Variants in PXDNL observed in about 807,000 individuals in gnomAD.
PXDNL encodes the protein peroxidasin like.
In PXDNL, 145 loss-of-function variants were observed where a neutral mutation model predicts 150.8. The observed-to-expected ratio is 0.96, with a 90% CI of 0.84 to 1.10. PXDNL has a LOEUF of 1.10. PXDNL is among the 50% of genes least tolerant of loss of function. The pLI is 0.00. For missense variants in PXDNL, 2,087 were observed against 1,873.9 expected (o/e 1.11, Z -2.10); for synonymous variants, 757 against 725.7 (o/e 1.04, Z -0.69).
intron 4 of PXDNL, among the ~76,000 whole-genome samples, chr8:51,547,334 G>A (rs1285827743): frequency 6.6e-6 from 1 of 152,128 alleles, no homozygotes; most frequent in Non-Finnish European, 1.5e-5. Flanking sequence ...GCTAACCACA[G>A]ATCCTGACTC....
At chr8:51,781,208 GC>G (rs998618965) in intron 1 of PXDNL, among the ~76,000 whole-genome samples, 3 of 152,094 alleles carry the variant, frequency 2.0e-5, no homozygotes, top group Admixed American at 2.0e-4. Context: ...AAATCAGAAG[GC>G]TGTTTCCTTT....
At chr8:51,418,868 C>T (rs1191744110) in intron 14 of PXDNL, among the ~76,000 whole-genome samples, 1 of 152,004 alleles carries the variant, frequency 6.6e-6, no homozygotes, top group African/African-American at 2.4e-5. Flanking sequence ...TCCAAACCTA[C>T]GTTCAAAATG....
intron 14 of PXDNL, among the ~76,000 whole-genome samples, chr8:51,416,165 T>C (rs531503784): frequency 6.6e-5 from 10 of 152,336 alleles, no homozygotes; most frequent in South Asian, 4.1e-4. Context: ...AGTATTGTCA[T>C]TGGGCTACTG....
At chr8:51,496,922 T>G (rs908014954) in intron 5 of PXDNL, among the ~76,000 whole-genome samples, 4 of 152,064 alleles carry the variant, frequency 2.6e-5, no homozygotes, top group Non-Finnish European at 4.4e-5. Context: ...TTCACAGAAT[T>G]GGAAAAAACT....
intron 2 of PXDNL, among the ~76,000 whole-genome samples, chr8:51,645,857 CAT>C (rs1448480845): frequency 2.0e-5 from 3 of 152,120 alleles, no homozygotes; most frequent in Non-Finnish European, 4.4e-5. Context: ...ATAGTGAAAA[CAT>C]AAATGTGGAG....
intron 1 of PXDNL, 110 bp downstream of exon 1, chr8:51,809,071 A>G: frequency 8.7e-7 from 1 of 1,148,736 alleles, no homozygotes; most frequent in Non-Finnish European, 1.3e-6. Flanking sequence ...TCTTCTAAGT[A>G]TACAAGCAGG....
At chr8:51,644,403 CACATGTGTGTGTATATATAT>C (rs1361852646) in intron 2 of PXDNL, among the ~76,000 whole-genome samples, 1 of 47,662 alleles carries the variant, frequency 2.1e-5, no homozygotes, top group African/African-American at 8.2e-5. Flanking sequence ...TATATATATA[CACATGTGTGTGTATATATAT>C]ACACATATGT....
intron 9 of PXDNL, among the ~76,000 whole-genome samples, chr8:51,455,737 G>A (rs1028419639): frequency 6.6e-6 from 1 of 152,130 alleles, no homozygotes; most frequent in African/African-American, 2.4e-5. Flanking sequence ...TTTGGAAGGA[G>A]ACAGTGGTGT....
intron 6 of PXDNL, among the ~76,000 whole-genome samples, chr8:51,475,768 AC>A (rs761199015): frequency 2.8e-4 from 43 of 151,266 alleles, no homozygotes; most frequent in Non-Finnish European, 4.4e-4. Flanking sequence ...TGCAACCCTC[AC>A]CCCCCTCCCT....
At chr8:51,407,842 G>T (rs1762004643) in intron 17 of PXDNL, among the ~76,000 whole-genome samples, 1 of 152,096 alleles carries the variant, frequency 6.6e-6, no homozygotes, top group Non-Finnish European at 1.5e-5. Flanking sequence ...TTAATAGGAG[G>T]CAGCAATATT....
In PXDNL at chr8:51,556,875, CT is replaced by C; in HGVS notation, c.344del (p.Lys115SerfsTer20). Reference protein sequence around the residue: ...LYKNEIHALDKQTFKGLISLE... With the variant: ...LYKNEIHALDXQTFKGLISLE... Reference sequence around the variant, plus strand: ...AAGATATGAGTCCTTTAAATGTTTGCTTATCTAGTGCATGGATTTCATTCTT... The same window carrying C: ...AAGATATGAGTCCTTTAAATGTTTGCTATCTAGTGCATGGATTTCATTCTT... On this transcript the variant is annotated frameshift_variant, in exon 4 of 23. Transcript: ENST00000356297. LOFTEE classifies it high-confidence loss of function. 1 of 1,585,154 alleles carries C rather than the reference CT, an allele frequency of 6.3e-7. No individual in the cohort carries two copies. The highest frequency in any genetic ancestry group is 8.7e-7 in the Non-Finnish European group (1 of 1,154,666).
intron 2 of PXDNL, among the ~76,000 whole-genome samples, chr8:51,638,030 G>C (rs1022937709): frequency 1.3e-5 from 2 of 152,190 alleles, no homozygotes; most frequent in Non-Finnish European, 2.9e-5. Flanking sequence ...AGCCAGAAGA[G>C]ACTGGCGGCG....
chr8:51,574,515 C>A lies in PXDNL; in HGVS notation c.309-17604G>T, dbSNP rs575696588. ...TGAGGCTAAAAAGTCTTTAAAGAAA[C>A]AATGACTGAAAACTTCCAATTTTGG... On this transcript the variant is annotated intron_variant, in intron 3 of 22. Coordinates refer to ENST00000356297, the MANE Select transcript of PXDNL (RefSeq NM_144651.5). Among the ~76,000 whole-genome samples, 7 of 151,812 alleles carry A rather than the reference C, an allele frequency of 4.6e-5. No individual in the cohort carries two copies. In the South Asian group the frequency reaches 1.5e-3, roughly 32 times the overall value.
intron 3 of PXDNL, among the ~76,000 whole-genome samples, chr8:51,585,946 T>C (rs552111235): frequency 5.8e-4 from 88 of 152,166 alleles, no homozygotes; most frequent in Admixed American, 7.9e-4. Flanking sequence ...ACCCAGGATG[T>C]GCTTGATTGT....
At chr8:51,398,330 C>T (rs1289780318) in intron 17 of PXDNL, among the ~76,000 whole-genome samples, 1 of 152,196 alleles carries the variant, frequency 6.6e-6, no homozygotes, top group African/African-American at 2.4e-5. Flanking sequence ...GCGGGACCTG[C>T]GGTGGGGAGT....
intron 14 of PXDNL, among the ~76,000 whole-genome samples, chr8:51,417,211 CA>C (rs1808822482): frequency 6.6e-6 from 1 of 152,032 alleles, no homozygotes; most frequent in African/African-American, 2.4e-5. Context: ...CAAAATTTTA[CA>C]GGAGTAGAGG....
intron 21 of PXDNL, among the ~76,000 whole-genome samples, chr8:51,326,021 C>T (rs1236933338): frequency 6.6e-6 from 1 of 152,064 alleles, no homozygotes; most frequent in Non-Finnish European, 1.5e-5. Context: ...TTGATGTGCT[C>T]AGGTTGCTGG....
At chr8:51,802,712 G>A (rs1044485785) in intron 1 of PXDNL, among the ~76,000 whole-genome samples, 1 of 152,086 alleles carries the variant, frequency 6.6e-6, no homozygotes, top group Non-Finnish European at 1.5e-5. Flanking sequence ...TTTGAATTTT[G>A]GTCAGACATG....
chr8:51,569,342 C>T (rs1487257571), intron 3 of PXDNL, among the ~76,000 whole-genome samples: 2 of 151,878 alleles, frequency 1.3e-5, no homozygotes, highest in African/African-American at 4.8e-5. Context: ...CAGGTGTTTG[C>T]TTTCCTGCAT....
Sources: allele counts gnomAD v4.1 joint callset (sites outside exome capture counted in the v4.1 genomes callset), GRCh38; gene constraint gnomAD v4.1.1; transcripts MANE v1.5; gene names NCBI Gene and HGNC (gene_info 2026-07-23, HGNC 2026-07-21).